Variants in BABAM2 observed in about 807,000 individuals in gnomAD.
BABAM2 encodes the protein BRISC and BRCA1 A complex member 2.
Under a neutral mutation model 54.7 loss-of-function variants are expected in BABAM2, and 31 were observed. The observed-to-expected ratio is 0.57, with a 90% confidence interval of 0.43 to 0.77. The LOEUF is 0.77. Among genes scored for constraint, BABAM2 ranks in the 30% least tolerant of loss-of-function variants. The probability of loss-of-function intolerance (pLI) is 0.00; values close to 1 mark genes in which losing one functional copy is unlikely to be tolerated. For synonymous variants in BABAM2, 167 were observed against 162.9 expected (o/e 1.03, Z -0.19); for missense variants, 364 against 455.8 (o/e 0.80, Z 1.83).
At position 28,059,022 on chromosome 2, in the gene BABAM2, G is replaced by C. The variant is rs139839351; in HGVS notation, c.570+13223G>C. 6.3e-3 allele frequency among the ~76,000 whole-genome samples: 963 copies of C among 152,198 alleles called. 7 individuals carry two copies. Among genetic ancestry groups the C allele is most frequent in the Non-Finnish European group, 7.9e-3 (535 of 68,012 alleles). ...CTTATCCTGAGATACAGCAGTCTGAGGTGTCTCTGAGGTTTTTTGGTTTTA... is the reference window on the plus strand; with the variant it reads ...CTTATCCTGAGATACAGCAGTCTGACGTGTCTCTGAGGTTTTTTGGTTTTA... On this transcript the variant is annotated intron_variant, in intron 6 of 11. Coordinates refer to ENST00000379624, the MANE Select transcript of BABAM2 (RefSeq NM_199191.3).
At chr2:27,960,110 C>T (rs150888823) in intron 3 of BABAM2, among the ~76,000 whole-genome samples, 76 of 152,136 alleles carry the variant, frequency 5.0e-4, no homozygotes, top group Admixed American at 1.0e-3. Context: ...TTAGATCTGT[C>T]GTGTGTGAAC....
chr2:28,068,266 T>C (rs938919664), intron 6 of BABAM2, among the ~76,000 whole-genome samples: 14 of 152,218 alleles, frequency 9.2e-5, no homozygotes, highest in Middle Eastern at 3.2e-3. Flanking sequence ...AATCTTCTTA[T>C]GCAATATTTA....
chr2:28,048,843 G>A (rs969671347), intron 6 of BABAM2, among the ~76,000 whole-genome samples: 1 of 152,186 alleles, frequency 6.6e-6, no homozygotes, highest in South Asian at 2.1e-4. Flanking sequence ...TTCTCTTAAC[G>A]AACAGCTAGT....
intron 2 of BABAM2, among the ~76,000 whole-genome samples, chr2:27,921,845 T>C (rs555317442): frequency 3.3e-5 from 5 of 152,328 alleles, no homozygotes; most frequent in Admixed American, 2.0e-4. Context: ...CTTCCACAAA[T>C]AATCACACTT....
chr2:27,986,018 G>T (rs1018146818), intron 3 of BABAM2, among the ~76,000 whole-genome samples: 1 of 152,128 alleles, frequency 6.6e-6, no homozygotes, highest in Admixed American at 6.6e-5. Flanking sequence ...GGCTCATAAA[G>T]GATGGTAAGA....
chr2:28,195,674 T>A (rs1292245487), intron 7 of BABAM2, among the ~76,000 whole-genome samples: 2 of 152,184 alleles, frequency 1.3e-5, no homozygotes, highest in Non-Finnish European at 2.9e-5. Flanking sequence ...GTAATATATA[T>A]ACAGTTCGGA....
intron 4 of BABAM2, among the ~76,000 whole-genome samples, chr2:27,994,942 A>G (rs1673035552): frequency 6.6e-6 from 1 of 152,196 alleles, no homozygotes; most frequent in African/African-American, 2.4e-5. Context: ...GAATAGGGAA[A>G]ATTTAATATA....
In BABAM2 at chr2:28,210,661, A is replaced by G. The variant is rs1679363237; in HGVS notation, c.681-26541A>G. ...GAGAAAGCATTATAAAATGCAGGAG[A>G]AAGGAAAAGCGAGGGCAAACAAGCC... On this transcript the variant is annotated intron_variant, in intron 7 of 11. Transcript: ENST00000379624. Among the ~76,000 whole-genome samples, 4 of 152,196 alleles carry G rather than the reference A, an allele frequency of 2.6e-5. No homozygotes were observed. The South Asian group carries it at 8.3e-4, about 32-fold the overall frequency.
intron 3 of BABAM2, among the ~76,000 whole-genome samples, chr2:27,939,273 A>C (rs1668708601): frequency 6.6e-6 from 1 of 152,264 alleles, no homozygotes. Context: ...AGTTCTAACC[A>C]ACGCTGAATC....
intron 7 of BABAM2, among the ~76,000 whole-genome samples, chr2:28,186,658 GAGGGAA>G (rs1185840675): frequency 6.6e-6 from 1 of 151,994 alleles, no homozygotes; most frequent in Non-Finnish European, 1.5e-5. Context: ...ATGTGAGAGA[GAGGGAA>G]AGGAAAAGGA....
intron 5 of BABAM2, among the ~76,000 whole-genome samples, chr2:28,041,565 G>A (rs1677102929): frequency 6.6e-6 from 1 of 152,202 alleles, no homozygotes; most frequent in Non-Finnish European, 1.5e-5. Context: ...ATGGAGGAGA[G>A]AGTTTCTGGG....
chr2:28,163,194 C>T (rs1198345445), intron 7 of BABAM2, among the ~76,000 whole-genome samples: 1 of 152,168 alleles, frequency 6.6e-6, no homozygotes, highest in Non-Finnish European at 1.5e-5. Flanking sequence ...TCCCAGCCGG[C>T]AGCCACCCTG....
At chr2:28,320,354 G>C (rs1325058853) in intron 11 of BABAM2, among the ~76,000 whole-genome samples, 1 of 152,226 alleles carries the variant, frequency 6.6e-6, no homozygotes, top group Non-Finnish European at 1.5e-5. Context: ...TTAGAGTCCT[G>C]CGCCCATCGC....
At chr2:27,992,647 T>C (rs1471712133) in intron 4 of BABAM2, among the ~76,000 whole-genome samples, 1 of 152,162 alleles carries the variant, frequency 6.6e-6, no homozygotes, top group Admixed American at 6.5e-5. Flanking sequence ...GGAAAATTAT[T>C]GTAGGTTGGA....
intron 10 of BABAM2, among the ~76,000 whole-genome samples, chr2:28,291,722 A>G (rs1687301368): frequency 6.6e-6 from 1 of 152,266 alleles, no homozygotes; most frequent in Non-Finnish European, 1.5e-5. Flanking sequence ...ACTTAAAAGA[A>G]AGGTAGTGAT....
intron 3 of BABAM2, among the ~76,000 whole-genome samples, chr2:27,954,692 A>G (rs1175280529): frequency 6.6e-6 from 1 of 152,218 alleles, no homozygotes; most frequent in Non-Finnish European, 1.5e-5. Flanking sequence ...AAGCCGACCA[A>G]ATATCACGTT....
chr2:28,312,208 A>G (rs768019417), intron 11 of BABAM2, among the ~76,000 whole-genome samples: 10 of 152,342 alleles, frequency 6.6e-5, no homozygotes, highest in South Asian at 4.1e-4. Flanking sequence ...TGTGCATATC[A>G]TAATGACAAG....
At chr2:27,943,198 T>C (rs1669057458) in intron 3 of BABAM2, among the ~76,000 whole-genome samples, 1 of 152,234 alleles carries the variant, frequency 6.6e-6, no homozygotes, top group African/African-American at 2.4e-5. Context: ...TTAAAATTTC[T>C]TGTACTATTT....
At chr2:28,266,411 G>A (rs1679750042) in intron 10 of BABAM2, among the ~76,000 whole-genome samples, 3 of 152,330 alleles carry the variant, frequency 2.0e-5, no homozygotes, top group South Asian at 4.1e-4. Flanking sequence ...CTTGGTCACT[G>A]AGTTAATTCA....
Sources: allele counts gnomAD v4.1 joint callset (sites outside exome capture counted in the v4.1 genomes callset), GRCh38; gene constraint gnomAD v4.1.1; transcripts MANE v1.5; gene names NCBI Gene and HGNC (gene_info 2026-07-23, HGNC 2026-07-21).